Variants in ARID4B observed in about 807,000 individuals in gnomAD.
ARID4B encodes the protein AT-rich interaction domain 4B, also known as AT-rich interactive domain-containing protein 4B.
ARID4B carries 26 observed loss-of-function variants against 147.5 expected under a neutral mutation model. That is an observed-to-expected ratio of 0.18 (90% CI 0.13 to 0.24). ARID4B has a LOEUF of 0.24. Among genes scored for constraint, ARID4B ranks in the 10% least tolerant of loss-of-function variants. The pLI is 1.00. For synonymous variants in ARID4B, 512 were observed against 507.9 expected (o/e 1.01, Z -0.11); for missense variants, 1,179 against 1,511.5 (o/e 0.78, Z 3.65).
At chr1:235,187,226 C>A in intron 19 of ARID4B, 1 of 223,368 alleles carries the variant, frequency 4.5e-6, no homozygotes. Context: ...GAACTACAGG[C>A]ATGTGCCACC....
chr1:235,218,048 A>C (rs1396547485), intron 16 of ARID4B, among the ~76,000 whole-genome samples: 2 of 152,202 alleles, frequency 1.3e-5, no homozygotes, highest in East Asian at 3.8e-4. Context: ...CAGTTATGTG[A>C]ATATGGTCTT....
intron 17 of ARID4B, among the ~76,000 whole-genome samples, chr1:235,210,610 AC>A (rs1404726711): frequency 6.6e-6 from 1 of 152,232 alleles, no homozygotes; most frequent in Non-Finnish European, 1.5e-5. Context: ...TGCTTAATCT[AC>A]TGAAGTACAT....
chr1:235,241,171 A>C (rs183287353), intron 7 of ARID4B, among the ~76,000 whole-genome samples: 1 of 152,356 alleles, frequency 6.6e-6, no homozygotes, highest in East Asian at 1.9e-4. Context: ...AAGCTATTCC[A>C]ATTTGAATCT....
intron 2 of ARID4B, among the ~76,000 whole-genome samples, chr1:235,279,127 C>T (rs1410655840): frequency 6.6e-6 from 1 of 152,152 alleles, no homozygotes; most frequent in Non-Finnish European, 1.5e-5. Context: ...CCGCTCCAGA[C>T]ATTCCGAATT....
chr1:235,189,497 G>A (rs1039144692), intron 19 of ARID4B, among the ~76,000 whole-genome samples: 26 of 147,740 alleles, frequency 1.8e-4, no homozygotes, highest in Non-Finnish European at 2.8e-4. Context: ...AAATTTCAAA[G>A]AAATAAAAAG....
intron 2 of ARID4B, among the ~76,000 whole-genome samples, chr1:235,287,693 C>T (rs1292626543): frequency 5.9e-5 from 9 of 152,162 alleles, no homozygotes; most frequent in African/African-American, 1.9e-4. Context: ...ATAAGCTTGA[C>T]AAAATGAGAT....
intron 2 of ARID4B, among the ~76,000 whole-genome samples, chr1:235,318,601 G>A (rs1572233450): frequency 6.6e-6 from 1 of 152,142 alleles, no homozygotes; most frequent in South Asian, 2.1e-4. Context: ...GAAAGTAAAT[G>A]CTAAGCTCAG....
chr1:235,199,423 T>A (rs1055838996), intron 17 of ARID4B, among the ~76,000 whole-genome samples: 2 of 152,216 alleles, frequency 1.3e-5, no homozygotes, highest in Non-Finnish European at 2.9e-5. Context: ...ATATTGTTAC[T>A]GTTATCAAAA....
intron 2 of ARID4B, among the ~76,000 whole-genome samples, chr1:235,295,366 C>G (rs1001657437): frequency 6.6e-6 from 1 of 151,976 alleles, no homozygotes; most frequent in Non-Finnish European, 1.5e-5. Context: ...AAAAATTAGC[C>G]AGGCATGGTG....
chr1:235,266,267 A>C (rs1038190126), intron 2 of ARID4B, among the ~76,000 whole-genome samples: 5 of 152,196 alleles, frequency 3.3e-5, no homozygotes, highest in Non-Finnish European at 7.3e-5. Flanking sequence ...AGGTTAACTA[A>C]GATTCTTTTG....
chr1:235,271,293 C>T (rs1300371374), intron 2 of ARID4B, among the ~76,000 whole-genome samples: 1 of 152,012 alleles, frequency 6.6e-6, no homozygotes, highest in Non-Finnish European at 1.5e-5. Flanking sequence ...AGGTTGTGGC[C>T]GCAGTGACTA....
intron 16 of ARID4B, among the ~76,000 whole-genome samples, chr1:235,216,880 A>G (rs1305603841): frequency 6.6e-6 from 1 of 152,112 alleles, no homozygotes; most frequent in African/African-American, 2.4e-5. Context: ...TATTGTGGCC[A>G]CAATAAAAGA....
At chr1:235,189,751 A>AT (rs397811974) in intron 19 of ARID4B, among the ~76,000 whole-genome samples, 5 of 151,432 alleles carry the variant, frequency 3.3e-5, no homozygotes, top group South Asian at 2.1e-4. Context: ...AAAAAAAAAA[A>AT]TTTGGCAGGG....
intron 2 of ARID4B, among the ~76,000 whole-genome samples, chr1:235,266,792 T>C (rs1486902944): frequency 6.7e-6 from 1 of 150,290 alleles, no homozygotes; most frequent in East Asian, 1.9e-4. Context: ...TTAAATCAAA[T>C]CTTCAAATGG....
intron 16 of ARID4B, among the ~76,000 whole-genome samples, chr1:235,215,837 C>T (rs942175661): frequency 6.6e-6 from 1 of 151,894 alleles, no homozygotes; most frequent in South Asian, 2.1e-4. Flanking sequence ...AATCTTCATA[C>T]TTTGGCCTTC....
In ARID4B at chr1:235,182,559, T is replaced by C; in HGVS notation, c.2360A>G (p.Glu787Gly). ...KSPERLRKDI[E>G]VLSEDTDYEE... ...ATAATCAGTATCTTCGGATAATACT[T>C]CTATATCTTTCCTTAATCTTTCTGG... Residue 787 changes from glutamate to glycine, a missense_variant, in exon 20 of 24, where the codon GAA becomes GGA. Physicochemically the swap from Glu to Gly is moderately conservative, Grantham distance 98. This residue lies in a region of ARID4B where 321 missense variants were observed against 342.4 expected (regional missense o/e 0.94). Transcript: ENST00000264183. 6.2e-7 allele frequency: 1 copy of C among 1,612,478 alleles called. No individual in the cohort carries two copies. Among genetic ancestry groups the C allele is most frequent in the Admixed American group, 1.7e-5 (1 of 59,694 alleles).
intron 19 of ARID4B, among the ~76,000 whole-genome samples, chr1:235,192,329 G>C (rs995405845): frequency 2.6e-5 from 4 of 152,068 alleles, no homozygotes; most frequent in African/African-American, 9.7e-5. Flanking sequence ...ATTACTTCTG[G>C]GAGGAGACAT....
chr1:235,179,541 A>AAAC (rs1664138455), intron 20 of ARID4B, among the ~76,000 whole-genome samples: 1 of 110,860 alleles, frequency 9.0e-6, no homozygotes, highest in Non-Finnish European at 1.9e-5. Flanking sequence ...AAAAAAAAAA[A>AAAC]AAAAAAAAAA....
chr1:235,251,291 C>T (rs1669629584), intron 6 of ARID4B, among the ~76,000 whole-genome samples: 1 of 150,694 alleles, frequency 6.6e-6, no homozygotes, highest in Non-Finnish European at 1.5e-5. Flanking sequence ...GTAGAGAGCT[C>T]ACGAAAGACA....
Sources: gnomAD v4.1 joint callset for allele counts (sites outside exome capture counted in the v4.1 genomes callset) on GRCh38, gnomAD v4.1.1 for gene constraint, gnomAD v4.1.1 regional missense constraint, MANE v1.5 for transcripts, NCBI Gene and HGNC (gene_info 2026-07-23, HGNC 2026-07-21) for gene names.